The following NRDC variants were observed in gnomAD, a reference collection of about 807,000 sequenced individuals.
The protein encoded by NRDC is nardilysin convertase, also known as nardilysin.
A neutral mutation model predicts 147.1 loss-of-function variants in NRDC; 54 were observed. The observed-to-expected ratio is 0.37, with a 90% confidence interval of 0.29 to 0.46. The LOEUF is 0.46. NRDC is among the 20% of genes least tolerant of loss of function. The probability of loss-of-function intolerance (pLI) is 1.00; values close to 1 mark genes in which losing one functional copy is unlikely to be tolerated. For synonymous variants in NRDC, 440 were observed against 482.1 expected (o/e 0.91, Z 1.14); for missense variants, 1,082 against 1,370.6 (o/e 0.79, Z 3.33).
intron 20 of NRDC, 51 bp from the exon 21 acceptor site, chr1:51,800,734 A>AT: frequency 6.4e-7 from 1 of 1,572,104 alleles, no homozygotes; most frequent in Non-Finnish European, 8.7e-7. Context: ...TCCACTAGGT[A>AT]TTAGGGAGGG....
chr1:51,832,072 A>C (rs1232506402), intron 4 of NRDC, among the ~76,000 whole-genome samples: 1 of 151,824 alleles, frequency 6.6e-6, no homozygotes. Flanking sequence ...TTTGAGACAG[A>C]GTCCCACTCT....
At chr1:51,860,801 G>A (rs954762037) in intron 1 of NRDC, among the ~76,000 whole-genome samples, 1 of 152,260 alleles carries the variant, frequency 6.6e-6, no homozygotes, top group Admixed American at 6.5e-5. Context: ...ATAGTAGCTA[G>A]AATATTACAA....
At chr1:51,789,680 G>A in intron 29 of NRDC, 23 bp from the exon 30 acceptor site, 1 of 1,539,008 alleles carries the variant, frequency 6.5e-7, no homozygotes, top group Middle Eastern at 1.7e-4. Context: ...GGGAAGATAG[G>A]AAAGAAATTC....
intron 4 of NRDC, among the ~76,000 whole-genome samples, chr1:51,829,776 C>A (rs1416165455): frequency 1.3e-5 from 2 of 151,854 alleles, no homozygotes; most frequent in Non-Finnish European, 2.9e-5. Flanking sequence ...TGGGTTAATT[C>A]CTTCTGTCTT....
chr1:51,800,416 C>T (rs1033866696), intron 21 of NRDC, 140 bp downstream of exon 21: 21 of 905,380 alleles, frequency 2.3e-5, no homozygotes, highest in African/African-American at 5.0e-5. Flanking sequence ...ACGCTATGCA[C>T]GGGTCTCCTA....
At chr1:51,872,457 A>G (rs1683130095) in intron 1 of NRDC, among the ~76,000 whole-genome samples, 1 of 152,230 alleles carries the variant, frequency 6.6e-6, no homozygotes, top group Non-Finnish European at 1.5e-5. Flanking sequence ...CAGTACTCCC[A>G]GCACTTTGGG....
intron 1 of NRDC, among the ~76,000 whole-genome samples, chr1:51,843,322 A>C (rs1301809172): frequency 6.6e-6 from 1 of 151,486 alleles, no homozygotes; most frequent in African/African-American, 2.4e-5. Flanking sequence ...AAAAAAAAAA[A>C]AAAAAAACCC....
At chr1:51,849,865 C>A (rs1681855838) in intron 1 of NRDC, among the ~76,000 whole-genome samples, 1 of 151,180 alleles carries the variant, frequency 6.6e-6, no homozygotes, top group Non-Finnish European at 1.5e-5. Flanking sequence ...GGGGAAGGAA[C>A]TGCCTTACCA....
At chr1:51,831,705 A>G (rs1323704130) in intron 4 of NRDC, among the ~76,000 whole-genome samples, 1 of 151,750 alleles carries the variant, frequency 6.6e-6, no homozygotes, top group Non-Finnish European at 1.5e-5. Context: ...CAGCCTCCCA[A>G]GCAGCTGGGA....
rs1036408102 is a variant in NRDC, at chr1:51,877,142, C to G, written c.341+1133G>C. On this transcript the variant is annotated intron_variant, in intron 1 of 30. Transcript: ENST00000352171. Reference sequence around the variant, plus strand: ...GGCGGAGGTTGCAGTGAGCCAAGATCGCGCCACTGCACTCCAGCCTGGTGA... The same window carrying G: ...GGCGGAGGTTGCAGTGAGCCAAGATGGCGCCACTGCACTCCAGCCTGGTGA... 4.0e-5 allele frequency among the ~76,000 whole-genome samples: 5 copies of G among 124,542 alleles called. No individual in the cohort carries two copies. The East Asian group carries it at 7.8e-4, about 20-fold the overall frequency. 81.7% of individuals were successfully genotyped at this position (124,542 alleles called of 152,430 possible). A position where few individuals can be genotyped will look rare whatever the true frequency, so the allele number is the denominator to read the frequency against.
At chr1:51,805,099 A>G (rs896595082) in intron 19 of NRDC, among the ~76,000 whole-genome samples, 7 of 152,264 alleles carry the variant, frequency 4.6e-5, no homozygotes, top group Non-Finnish European at 1.0e-4. Flanking sequence ...ACCACCCACA[A>G]TGAAAGCTAT....
At chr1:51,855,866 C>CT (rs888975447) in intron 1 of NRDC, among the ~76,000 whole-genome samples, 1 of 151,486 alleles carries the variant, frequency 6.6e-6, no homozygotes, top group African/African-American at 2.4e-5. Flanking sequence ...GATGGAGACT[C>CT]TGTGTCAAAA....
intron 1 of NRDC, among the ~76,000 whole-genome samples, chr1:51,846,746 C>A (rs143108204): frequency 1.3e-5 from 2 of 152,236 alleles, no homozygotes; most frequent in Admixed American, 1.3e-4. Context: ...TGGGTTATCA[C>A]CCCAGGAGCC....
intron 4 of NRDC, among the ~76,000 whole-genome samples, chr1:51,832,686 T>C (rs1019885395): frequency 6.6e-6 from 1 of 152,176 alleles, no homozygotes; most frequent in Non-Finnish European, 1.5e-5. Context: ...CTCAAACTTC[T>C]ACTATTGTAC....
chr1:51,792,144 GA>G, intron 25 of NRDC, 46 bp from the exon 26 acceptor site: 6 of 1,609,842 alleles, frequency 3.7e-6, no homozygotes, highest in Non-Finnish European at 5.1e-6. Context: ...TCCCAGCAGA[GA>G]AACCTCCATT....
chr1:51,792,932 G>C (rs1362378039), intron 24 of NRDC, among the ~76,000 whole-genome samples: 1 of 152,224 alleles, frequency 6.6e-6, no homozygotes, highest in Non-Finnish European at 1.5e-5. Context: ...AGCTGCCCAA[G>C]ACTGGCAAAA....
intron 1 of NRDC, among the ~76,000 whole-genome samples, chr1:51,846,352 G>T (rs1021613806): frequency 6.6e-6 from 1 of 152,086 alleles, no homozygotes; most frequent in Non-Finnish European, 1.5e-5. Context: ...GACCTCAAGT[G>T]ATCCACCCGC....
chr1:51,855,416 GAAA>G (rs988433755), intron 1 of NRDC, among the ~76,000 whole-genome samples: 7 of 144,726 alleles, frequency 4.8e-5, no homozygotes, highest in Non-Finnish European at 1.1e-4. Context: ...TTTTATTTAA[GAAA>G]AAAAAATTGG....
chr1:51,869,238 C>A (rs186080137), intron 1 of NRDC, among the ~76,000 whole-genome samples: 18 of 152,258 alleles, frequency 1.2e-4, no homozygotes, highest in African/African-American at 1.9e-4. Flanking sequence ...TGAACCAGCG[C>A]GCCCAGCCAG....
Sources: gnomAD v4.1 joint callset for allele counts (sites outside exome capture counted in the v4.1 genomes callset) on GRCh38, gnomAD v4.1.1 for gene constraint, MANE v1.5 for transcripts, NCBI Gene and HGNC (gene_info 2026-07-23, HGNC 2026-07-21) for gene names.